COL4A4: variants seen among roughly 807,000 people sequenced by gnomAD.
COL4A4 encodes the protein collagen alpha-4(IV) chain.
A neutral mutation model predicts 192.9 loss-of-function variants in COL4A4; 105 were observed. That is an observed-to-expected ratio of 0.54 (90% confidence interval 0.46 to 0.64). The LOEUF (loss-of-function observed/expected upper bound fraction) is 0.64. Among genes scored for constraint, COL4A4 ranks in the 30% least tolerant of loss-of-function variants. The pLI, the probability that COL4A4 is intolerant of heterozygous loss-of-function variation, is 0.00. For missense variants in COL4A4, 1,967 were observed against 2,169.3 expected (o/e 0.91, Z 1.85); for synonymous variants, 762 against 769.9 (o/e 0.99, Z 0.17).
intron 20 of COL4A4, among the ~76,000 whole-genome samples, chr2:227,092,893 T>C (rs1207206505): frequency 6.6e-6 from 1 of 152,150 alleles, no homozygotes; most frequent in Non-Finnish European, 1.5e-5. Flanking sequence ...TAATGCTGAA[T>C]TGGAAAAATT....
At chr2:227,045,271 G>C (rs1576063173) in intron 35 of COL4A4, among the ~76,000 whole-genome samples, 1 of 152,094 alleles carries the variant, frequency 6.6e-6, no homozygotes, top group African/African-American at 2.4e-5. Context: ...CCAGTTTACA[G>C]GTGAGGCAAC....
the COL4A4 span, among the ~76,000 whole-genome samples, chr2:226,968,201 CAGAGGGGAT>C: frequency 6.6e-6 from 1 of 152,090 alleles, no homozygotes; most frequent in Non-Finnish European, 1.5e-5. Flanking sequence ...TGGAAGAACC[CAGAGGGGAT>C]ATTACCTGGT....
In COL4A4 at chr2:227,002,937, A is replaced by G. The variant is rs1961337882; in HGVS notation, c.*4388T>C. 6.6e-6 allele frequency: 1 copy of G among 152,662 alleles called. No homozygotes were observed. Among genetic ancestry groups the G allele is most frequent in the Non-Finnish European group, 1.5e-5 (1 of 68,044 alleles). The allele number at this position is 152,662 out of a possible 1,614,324, so 9.5% of individuals were successfully genotyped here. A position where few individuals can be genotyped will look rare whatever the true frequency, so the allele number is the denominator to read the frequency against. The stretch of plus-strand genomic sequence containing the variant: ...TATTTAAGCACCATAAAATTCAAGC[A>G]TTTCACATGGATGTGGCAGCCAGCC... On this transcript the variant is annotated 3_prime_UTR_variant, in exon 48 of 48. Coordinates refer to ENST00000396625, the MANE Select transcript of COL4A4 (RefSeq NM_000092.5).
intron 35 of COL4A4, among the ~76,000 whole-genome samples, chr2:227,047,264 G>T (rs189309899): frequency 6.6e-6 from 1 of 152,010 alleles, no homozygotes; most frequent in African/African-American, 2.4e-5. Flanking sequence ...ATGGAAAAAT[G>T]ATTGTGAATC....
At position 227,154,391 on chromosome 2, in the gene COL4A4, G is replaced by A. The variant is rs189283473; in HGVS notation, c.-101-6807C>T. 2.1e-4 allele frequency among the ~76,000 whole-genome samples: 32 copies of A among 152,278 alleles called. No individual in the cohort carries two copies. In the East Asian group the frequency reaches 6.0e-3, roughly 29 times the overall value. ...AATACACCCTGCTGGGGTTCTCATC[G>A]AATGGGGGAGGAGAAATGTCTAAGA... On this transcript the variant is annotated intron_variant, in intron 1 of 47. Coordinates refer to ENST00000396625, the MANE Select transcript of COL4A4 (RefSeq NM_000092.5).
intron 3 of COL4A4, among the ~76,000 whole-genome samples, chr2:227,143,683 T>A (rs2063366018): frequency 6.6e-6 from 1 of 151,984 alleles, no homozygotes; most frequent in Non-Finnish European, 1.5e-5. Flanking sequence ...ATAGAAAAAA[T>A]ACACATGTAT....
intron 46 of COL4A4, among the ~76,000 whole-genome samples, chr2:227,009,040 G>A (rs546339867): frequency 6.6e-6 from 1 of 152,242 alleles, no homozygotes; most frequent in African/African-American, 2.4e-5. Context: ...GAAATTGATG[G>A]CAGAGGGAGA....
At chr2:227,098,588 A>C (rs2060332286) in intron 19 of COL4A4, 106 bp downstream of exon 19, 1 of 858,054 alleles carries the variant, frequency 1.2e-6, no homozygotes, top group Non-Finnish European at 1.9e-6. Flanking sequence ...TATTTTACAC[A>C]ATCCTAAGGT....
intron 8 of COL4A4, 143 bp downstream of exon 8, chr2:227,114,485 T>C (rs2061381269): frequency 1.3e-6 from 1 of 756,940 alleles, no homozygotes; most frequent in South Asian, 1.4e-5. Flanking sequence ...AAAAGCATGA[T>C]GCCATCCCTG....
chr2:227,104,553 G>T (rs1420892844), intron 12 of COL4A4, among the ~76,000 whole-genome samples: 1 of 147,046 alleles, frequency 6.8e-6, no homozygotes, highest in Non-Finnish European at 1.5e-5. Flanking sequence ...CTGCACTCCA[G>T]CCTGGGCGAC....
intron 1 of COL4A4, among the ~76,000 whole-genome samples, chr2:227,148,587 T>C (rs2063706683): frequency 6.6e-6 from 1 of 152,188 alleles, no homozygotes; most frequent in Non-Finnish European, 1.5e-5. Flanking sequence ...TAGTAAACTT[T>C]AAAAAAGTTA....
intron 4 of COL4A4, among the ~76,000 whole-genome samples, chr2:227,132,586 G>A (rs2062550290): frequency 6.6e-6 from 1 of 152,164 alleles, no homozygotes; most frequent in Admixed American, 6.5e-5. Flanking sequence ...GACCAGCCTA[G>A]TCAACATGGT....
intron 25 of COL4A4, among the ~76,000 whole-genome samples, chr2:227,070,761 T>C (rs1166061988): frequency 6.7e-6 from 1 of 149,430 alleles, no homozygotes; most frequent in Non-Finnish European, 1.5e-5. Context: ...GCATTAGGAG[T>C]TATACCTAAT....
chr2:227,096,247 G>A (rs1487628940), intron 19 of COL4A4, among the ~76,000 whole-genome samples: 1 of 152,130 alleles, frequency 6.6e-6, no homozygotes, highest in Non-Finnish European at 1.5e-5. Flanking sequence ...CCCACCCAGG[G>A]AGGCTCCTGA....
chr2:227,095,740 C>A (rs533667924), intron 19 of COL4A4, among the ~76,000 whole-genome samples: 1 of 152,232 alleles, frequency 6.6e-6, no homozygotes, highest in South Asian at 2.1e-4. Context: ...ACTAAAAATA[C>A]AAAAATTACC....
intron 25 of COL4A4, among the ~76,000 whole-genome samples, chr2:227,073,622 A>C (rs146781969): frequency 1.3e-5 from 2 of 152,272 alleles, no homozygotes; most frequent in East Asian, 3.9e-4. Flanking sequence ...ATCTGGAGAC[A>C]TCACATTACT....
rs114263070 is a variant in COL4A4 at position 227,024,332 on chromosome 2, G to A, written c.4090+1470C>T. Among the ~76,000 whole-genome samples, 507 of 152,208 alleles carry A rather than the reference G, an allele frequency of 3.3e-3. 3 individuals are homozygous for A. The highest frequency in any genetic ancestry group is 0.011 in the African/African-American group (472 of 41,536). On this transcript the variant is annotated intron_variant, in intron 43 of 47. Transcript: ENST00000396625. ...TCAAGACCAGCCTGGGCAACAGGGC[G>A]AAGCCCCATCTCTACTAAAATTACA... is the stretch of plus-strand genomic sequence containing the variant.
At chr2:227,144,444 A>C (rs1005046833) in intron 3 of COL4A4, 72 bp downstream of exon 3, 4 of 1,331,460 alleles carry the variant, frequency 3.0e-6, no homozygotes, top group Non-Finnish European at 4.3e-6. Context: ...ATTTCTTTGA[A>C]AGTATAACAA....
At chr2:227,038,523 T>C (rs1274150031) in intron 37 of COL4A4, among the ~76,000 whole-genome samples, 2 of 152,244 alleles carry the variant, frequency 1.3e-5, no homozygotes, top group Non-Finnish European at 2.9e-5. Flanking sequence ...TTTATTCTTT[T>C]TGTTTAGGAT....
Sources: gnomAD v4.1 joint callset for allele counts (sites outside exome capture counted in the v4.1 genomes callset) on GRCh38, gnomAD v4.1.1 for gene constraint, MANE v1.5 for transcripts, NCBI Gene and HGNC (gene_info 2026-07-23, HGNC 2026-07-21) for gene names.